The following PPARGC1A variants were observed in gnomAD, a reference collection of about 807,000 sequenced individuals.
PPARGC1A encodes the protein peroxisome proliferator-activated receptor gamma coactivator 1-alpha.
In PPARGC1A, 25 loss-of-function variants were observed where a neutral mutation model predicts 88.7. The observed-to-expected ratio is 0.28, with a 90% CI of 0.21 to 0.39. The LOEUF (loss-of-function observed/expected upper bound fraction) is 0.39, where lower values mean the gene tolerates loss of function less well. PPARGC1A is among the 10% of genes least tolerant of loss of function. The probability of loss-of-function intolerance (pLI) is 1.00; values close to 1 mark genes in which losing one functional copy is unlikely to be tolerated. For missense variants in PPARGC1A, 880 were observed against 968.7 expected, an observed-to-expected ratio of 0.91 and a Z score of 1.22; for synonymous variants, 363 against 355.6, an observed-to-expected ratio of 1.02 and a Z score of -0.24.
chr4:24,168,383 T>C, the PPARGC1A span, among the ~76,000 whole-genome samples: 3 of 152,218 alleles, frequency 2.0e-5, no homozygotes, highest in East Asian at 5.8e-4. Context: ...CATCACAACT[T>C]TGTCTCCTCA....
At chr4:24,359,871 T>G in the PPARGC1A span, among the ~76,000 whole-genome samples, 2 of 152,104 alleles carry the variant, frequency 1.3e-5, no homozygotes, top group African/African-American at 4.8e-5. Context: ...TCTCAGCCTC[T>G]AGAACTGAGA....
the PPARGC1A span, among the ~76,000 whole-genome samples, chr4:24,083,678 T>G: frequency 6.6e-6 from 1 of 152,160 alleles, no homozygotes; most frequent in Non-Finnish European, 1.5e-5. Flanking sequence ...TCACCTCTGT[T>G]GAACCATGAA....
the PPARGC1A span, among the ~76,000 whole-genome samples, chr4:24,231,677 A>G: frequency 6.6e-6 from 1 of 152,200 alleles, no homozygotes; most frequent in African/African-American, 2.4e-5. Context: ...CTGTATTTCC[A>G]TAAGGAAACA....
chr4:24,236,680 T>C, the PPARGC1A span, among the ~76,000 whole-genome samples: 5 of 152,140 alleles, frequency 3.3e-5, no homozygotes, highest in Non-Finnish European at 2.9e-5. Flanking sequence ...AAACACATAC[T>C]CACATATCCT....
chr4:23,873,196 T>TAAAA (rs1560487726), intron 2 of PPARGC1A, among the ~76,000 whole-genome samples: 1 of 32,696 alleles, frequency 3.1e-5, no homozygotes, highest in Non-Finnish European at 9.8e-5. Context: ...AGACTCCGTC[T>TAAAA]CAAAAATAAA....
At chr4:23,943,321 A>G in the PPARGC1A span, among the ~76,000 whole-genome samples, 1 of 152,034 alleles carries the variant, frequency 6.6e-6, no homozygotes, top group East Asian at 1.9e-4. Context: ...AAGCTAGCAA[A>G]CATGAGTGCA....
At chr4:24,138,979 C>T in the PPARGC1A span, among the ~76,000 whole-genome samples, 2 of 152,162 alleles carry the variant, frequency 1.3e-5, no homozygotes, top group African/African-American at 4.8e-5. Flanking sequence ...GTGTGATCCA[C>T]CAAGGGAAGC....
At chr4:24,247,489 TGATAG>T in the PPARGC1A span, among the ~76,000 whole-genome samples, 1 of 152,146 alleles carries the variant, frequency 6.6e-6, no homozygotes, top group Non-Finnish European at 1.5e-5. Flanking sequence ...ATCATTATGA[TGATAG>T]AGTAAAGAGA....
At chr4:24,035,790 G>T in the PPARGC1A span, among the ~76,000 whole-genome samples, 1 of 152,030 alleles carries the variant, frequency 6.6e-6, no homozygotes, top group Non-Finnish European at 1.5e-5. Flanking sequence ...CAATAGTTTA[G>T]GAAAAGTCTG....
intron 7 of PPARGC1A, among the ~76,000 whole-genome samples, chr4:23,817,085 A>G (rs1279371791): frequency 2.6e-5 from 4 of 152,170 alleles, no homozygotes; most frequent in Non-Finnish European, 5.9e-5. Flanking sequence ...TCTCAGGTAT[A>G]CATATCTTGA....
At chr4:24,454,917 G>T in the PPARGC1A span, among the ~76,000 whole-genome samples, 1 of 150,572 alleles carries the variant, frequency 6.6e-6, no homozygotes, top group Non-Finnish European at 1.5e-5. Context: ...AAAAAAACAA[G>T]AATAGAATAA....
At chr4:24,034,041 ATG>A in the PPARGC1A span, among the ~76,000 whole-genome samples, 1,355 of 152,290 alleles carry the variant, frequency 8.9e-3, 25 homozygotes, top group African/African-American at 0.031. Flanking sequence ...TAGGTCAGCA[ATG>A]TGGTAGCACC....
upstream of PPARGC1A, among the ~76,000 whole-genome samples, chr4:23,905,251 G>A (rs1719899323): frequency 1.3e-5 from 2 of 152,266 alleles, no homozygotes; most frequent in Admixed American, 6.5e-5. Flanking sequence ...ATTCTCTGTG[G>A]ATTCTGGAAA....
At chr4:23,971,664 C>A in the PPARGC1A span, among the ~76,000 whole-genome samples, 1 of 152,194 alleles carries the variant, frequency 6.6e-6, no homozygotes, top group Non-Finnish European at 1.5e-5. Flanking sequence ...GCTGTGCTGG[C>A]AGCTGATTAG....
At chr4:24,370,643 A>T in the PPARGC1A span, among the ~76,000 whole-genome samples, 1 of 151,456 alleles carries the variant, frequency 6.6e-6, no homozygotes, top group Non-Finnish European at 1.5e-5. Context: ...AGGGAGAATT[A>T]CATGCTCCAG....
At chr4:24,405,629 G>C in the PPARGC1A span, among the ~76,000 whole-genome samples, 1 of 152,122 alleles carries the variant, frequency 6.6e-6, no homozygotes, top group African/African-American at 2.4e-5. Context: ...ATTACATCAC[G>C]GCTGGGGATT....
chr4:24,247,391 TGATAA>T, the PPARGC1A span, among the ~76,000 whole-genome samples: 1 of 152,158 alleles, frequency 6.6e-6, no homozygotes, highest in Admixed American at 6.5e-5. Context: ...CCAGATAATA[TGATAA>T]AACTCCGTTT....
chr4:24,284,183 T>A, the PPARGC1A span, among the ~76,000 whole-genome samples: 1 of 149,394 alleles, frequency 6.7e-6, no homozygotes, highest in South Asian at 2.1e-4. Context: ...GGGGCACCTG[T>A]AATCCCAGCT....
At chr4:23,913,883 G>A in the PPARGC1A span, among the ~76,000 whole-genome samples, 9 of 152,120 alleles carry the variant, frequency 5.9e-5, no homozygotes, top group Non-Finnish European at 1.0e-4. Context: ...CATACACTGC[G>A]TGCCTTCCAC....
Sources: allele counts gnomAD v4.1 joint callset (sites outside exome capture counted in the v4.1 genomes callset), GRCh38; gene constraint gnomAD v4.1.1; transcripts MANE v1.5; gene names NCBI Gene and HGNC (gene_info 2026-07-23, HGNC 2026-07-21).